Variants in ENDOD1 observed in about 807,000 individuals in gnomAD.
ENDOD1 encodes endonuclease domain containing 1.
ENDOD1 carries 9 observed loss-of-function variants against 6.5 expected under a neutral mutation model. The ratio of observed to expected loss-of-function variants is 1.39; its 90% CI spans 0.84 to 2.43. The LOEUF (loss-of-function observed/expected upper bound fraction) is 2.43, where lower values mean the gene tolerates loss of function less well. ENDOD1 is among the 30% of genes most tolerant of loss of function. The probability of loss-of-function intolerance (pLI) is 0.00; values close to 1 mark genes in which losing one functional copy is unlikely to be tolerated. For missense variants in ENDOD1, 648 were observed against 635.5 expected, an observed-to-expected ratio of 1.02 and a Z score of -0.21; for synonymous variants, 255 against 255.2, an observed-to-expected ratio of 1.00 and a Z score of 0.01.
rs1555109747 is a variant in ENDOD1 at position 95,090,342 on chromosome 11, C to T, written c.300+115C>T. On this transcript the variant is annotated intron_variant, in intron 1 of 1. Transcript: ENST00000278505. ...CCGGGAACAGCAATCCCTACGCCTT[C>T]GGTGCCTTGGGCCAAGAAACCCGGG... The T allele has an allele frequency of 3.9e-6, 5 of 1,290,718 alleles. No individual in the cohort carries two copies. In the East Asian group the frequency reaches 9.4e-5, roughly 24 times the overall value. The allele number at this position is 1,290,718 out of a possible 1,614,324, so 80.0% of individuals were successfully genotyped here.
chr11:95,129,184 AATGGCATAGAAAGTTGCCTTT>A lies in ENDOD1; in HGVS notation c.1110_1130del (p.Gly371_Tyr377del), dbSNP rs773753365. ...GTGGTGTGTTACCAAGCAGGTGATTAATGGCATAGAAAGTTGCCTTTACCGCCTGGGCTCAGCCACCATCTC... is the reference window on the plus strand; with the variant it reads ...GTGGTGTGTTACCAAGCAGGTGATTAACCGCCTGGGCTCAGCCACCATCTC... On this transcript the variant is annotated inframe_deletion, in exon 2 of 2. Transcript: ENST00000278505. The A allele has an allele frequency of 3.1e-6, 5 of 1,614,178 alleles. No individual in the cohort carries two copies. In the African/African-American group the frequency reaches 6.7e-5, roughly 22 times the overall value.
intron 1 of ENDOD1, among the ~76,000 whole-genome samples, chr11:95,098,279 A>G (rs374238770): frequency 1.3e-5 from 2 of 152,310 alleles, no homozygotes; most frequent in Non-Finnish European, 2.9e-5. Flanking sequence ...TGTAATGCCT[A>G]TAGTTGATGA....
chr11:95,129,694 A>T lies in ENDOD1; in HGVS notation c.*115A>T, dbSNP rs1312773138. On this transcript the variant is annotated 3_prime_UTR_variant, in exon 2 of 2. Coordinates refer to ENST00000278505, the MANE Select transcript of ENDOD1 (RefSeq NM_015036.3). ...CATTATATTTTGGCCTTTGGTGGGG[A>T]TGTCTGCTTGTTTTTGCAAAAGAAG... The T allele has an allele frequency of 1.7e-6, 2 of 1,182,710 alleles. No individual in the cohort carries two copies. Among genetic ancestry groups the T allele is most frequent in the Non-Finnish European group, 2.4e-6 (2 of 843,566 alleles). The allele number at this position is 1,182,710 out of a possible 1,614,324, so 73.3% of individuals were successfully genotyped here. A position where few individuals can be genotyped will look rare whatever the true frequency, so the allele number is the denominator to read the frequency against.
intron 1 of ENDOD1, among the ~76,000 whole-genome samples, chr11:95,110,550 C>T (rs1050471792): frequency 7.5e-4 from 114 of 151,324 alleles, no homozygotes. Flanking sequence ...TCTCTGACAA[C>T]TCTTTTTTGC....
At chr11:95,099,143 T>G (rs1353749916) in intron 1 of ENDOD1, among the ~76,000 whole-genome samples, 2 of 152,202 alleles carry the variant, frequency 1.3e-5, no homozygotes, top group Admixed American at 1.3e-4. Context: ...TGTTCTATAC[T>G]GATCCATCTT....
At chr11:95,116,960 A>G (rs995647058) in intron 1 of ENDOD1, among the ~76,000 whole-genome samples, 6 of 152,196 alleles carry the variant, frequency 3.9e-5, no homozygotes, top group African/African-American at 1.4e-4. Flanking sequence ...GGGATTAAAT[A>G]TCTATTAGAT....
chr11:95,118,570 C>T (rs1222856808), intron 1 of ENDOD1, among the ~76,000 whole-genome samples: 1 of 152,174 alleles, frequency 6.6e-6, no homozygotes, highest in Non-Finnish European at 1.5e-5. Flanking sequence ...TGTTTCTTTT[C>T]TGTTGCTGCT....
intron 1 of ENDOD1, among the ~76,000 whole-genome samples, chr11:95,121,970 A>G (rs1162410958): frequency 6.6e-6 from 1 of 152,204 alleles, no homozygotes; most frequent in Non-Finnish European, 1.5e-5. Flanking sequence ...ACTAAAGAGG[A>G]AGATCAGTGG....
At chr11:95,108,071 C>T (rs892102181) in intron 1 of ENDOD1, among the ~76,000 whole-genome samples, 21 of 152,208 alleles carry the variant, frequency 1.4e-4, no homozygotes, top group African/African-American at 4.8e-4. Flanking sequence ...GCCCCCAGGC[C>T]ACCCATTGGC....
At chr11:95,109,704 G>A (rs1004380990) in intron 1 of ENDOD1, among the ~76,000 whole-genome samples, 1 of 152,284 alleles carries the variant, frequency 6.6e-6, no homozygotes, top group Non-Finnish European at 1.5e-5. Context: ...ATCAGCAGCA[G>A]GGCCACACCT....
In ENDOD1 at chr11:95,090,228, G is replaced by C. The variant is rs1192688843; in HGVS notation, c.300+1G>C. 2.4e-5 allele frequency: 33 copies of C among 1,371,130 alleles called. No individual in the cohort carries two copies. The highest frequency in any genetic ancestry group is 3.1e-5 in the Admixed American group (1 of 32,454). The allele number at this position is 1,371,130 out of a possible 1,614,324, so 84.9% of individuals were successfully genotyped here. A position where few individuals can be genotyped will look rare whatever the true frequency, so the allele number is the denominator to read the frequency against. ...GCAGCGATGGCTGGTGGAGCCGCAG[G>C]TAAGCGAAGTGGTTCCCGAGCCGGG... is the stretch of plus-strand genomic sequence containing the variant. On this transcript the variant is annotated splice_donor_variant, in intron 1 of 1. Transcript: ENST00000278505. LOFTEE classifies it high-confidence loss of function.
intron 1 of ENDOD1, among the ~76,000 whole-genome samples, chr11:95,114,678 A>G (rs781821543): frequency 6.6e-6 from 1 of 152,190 alleles, no homozygotes; most frequent in Non-Finnish European, 1.5e-5. Context: ...GTATATAATA[A>G]CAGATTGGGG....
chr11:95,115,382 G>T (rs1859197585), intron 1 of ENDOD1, among the ~76,000 whole-genome samples: 2 of 133,508 alleles, frequency 1.5e-5, no homozygotes, highest in East Asian at 2.1e-4. Flanking sequence ...GTTCTACTAG[G>T]TTTTTTTTTT....
intron 1 of ENDOD1, among the ~76,000 whole-genome samples, chr11:95,108,439 A>G (rs964827355): frequency 4.0e-5 from 6 of 151,806 alleles, no homozygotes; most frequent in African/African-American, 1.5e-4. Flanking sequence ...GGACAAGGAC[A>G]TGCTCTGCTA....
At chr11:95,098,694 G>C (rs868921710) in intron 1 of ENDOD1, among the ~76,000 whole-genome samples, 4 of 151,850 alleles carry the variant, frequency 2.6e-5, no homozygotes, top group Middle Eastern at 6.4e-3. Context: ...CACTTTTCTA[G>C]TGTTTTTTTT....
chr11:95,106,828 C>T (rs78934984), intron 1 of ENDOD1, among the ~76,000 whole-genome samples: 3 of 149,978 alleles, frequency 2.0e-5, no homozygotes, highest in African/African-American at 7.5e-5. Flanking sequence ...ACACCCCCCC[C>T]TTTCCCCCGT....
At chr11:95,098,520 A>G (rs1213714856) in intron 1 of ENDOD1, among the ~76,000 whole-genome samples, 1 of 152,180 alleles carries the variant, frequency 6.6e-6, no homozygotes, top group Non-Finnish European at 1.5e-5. Flanking sequence ...TCATCACATT[A>G]AATATGTACA....
At chr11:95,110,300 G>C (rs1168327565) in intron 1 of ENDOD1, among the ~76,000 whole-genome samples, 2 of 152,144 alleles carry the variant, frequency 1.3e-5, no homozygotes, top group Non-Finnish European at 2.9e-5. Flanking sequence ...TCTTCTCCAT[G>C]GGATCCCAAT....
intron 1 of ENDOD1, among the ~76,000 whole-genome samples, chr11:95,095,730 T>G (rs2134161253): frequency 6.6e-6 from 1 of 152,342 alleles, no homozygotes; most frequent in South Asian, 2.1e-4. Flanking sequence ...ATGACTTGTG[T>G]TTTATAGTTT....
Sources: gnomAD v4.1 joint callset for allele counts (sites outside exome capture counted in the v4.1 genomes callset) on GRCh38, gnomAD v4.1.1 for gene constraint, MANE v1.5 for transcripts, NCBI Gene and HGNC (gene_info 2026-07-23, HGNC 2026-07-21) for gene names.